ADAMTSL1: variants seen among roughly 807,000 people sequenced by gnomAD.
ADAMTSL1 encodes ADAMTS-like protein 1.
In ADAMTSL1, 126 loss-of-function variants were observed where a neutral mutation model predicts 201.8. The ratio of observed to expected loss-of-function variants is 0.62; its 90% CI spans 0.54 to 0.72. The LOEUF (loss-of-function observed/expected upper bound fraction) is 0.72. Ranked by LOEUF, ADAMTSL1 falls within the 30% of genes least tolerant of loss-of-function variation. The pLI is 0.00. For missense variants in ADAMTSL1, 2,679 were observed against 2,277.8 expected (o/e 1.18, Z -3.59); for synonymous variants, 1,121 against 903.4 (o/e 1.24, Z -4.32).
chr9:18,820,957 C>T (rs956048348), intron 21 of ADAMTSL1, among the ~76,000 whole-genome samples: 1 of 152,254 alleles, frequency 6.6e-6, no homozygotes, highest in East Asian at 1.9e-4. Flanking sequence ...TAAAACCTGG[C>T]TGGTGGTGTG....
At chr9:18,558,621 C>G (rs577267458) in intron 3 of ADAMTSL1, among the ~76,000 whole-genome samples, 1 of 152,296 alleles carries the variant, frequency 6.6e-6, no homozygotes, top group African/African-American at 2.4e-5. Flanking sequence ...CTTACACTTC[C>G]ATCAACAGTG....
At chr9:18,845,397 A>T (rs1297041130) in intron 23 of ADAMTSL1, among the ~76,000 whole-genome samples, 1 of 152,250 alleles carries the variant, frequency 6.6e-6, no homozygotes, top group Non-Finnish European at 1.5e-5. Context: ...GAAAGAATTC[A>T]TTGTGCCTGG....
intron 2 of ADAMTSL1, among the ~76,000 whole-genome samples, chr9:18,329,626 T>C (rs1473034144): frequency 2.0e-5 from 3 of 152,208 alleles, no homozygotes; most frequent in Non-Finnish European, 4.4e-5. Flanking sequence ...AAATAGGCAG[T>C]GGCTTATCTT....
rs539075831 is a variant in ADAMTSL1 at position 18,649,754 on chromosome 9, G to T, written c.835-7885G>T. On this transcript the variant is annotated intron_variant, in intron 7 of 28. Transcript: ENST00000380548. ...GTCTGATCGTTCCTCTGGAAGTTTTGTCTCAGAGGAGTACCCCGCCGTGTG... is the reference window on the plus strand; with the variant it reads ...GTCTGATCGTTCCTCTGGAAGTTTTTTCTCAGAGGAGTACCCCGCCGTGTG... Among the ~76,000 whole-genome samples, 772 of 152,152 alleles carry T rather than the reference G, an allele frequency of 5.1e-3. 7 individuals are homozygous for T. The highest frequency in any genetic ancestry group is 0.018 in the African/African-American group (731 of 41,502).
At chr9:18,091,893 G>A (rs762023706) in intron 1 of ADAMTSL1, among the ~76,000 whole-genome samples, 2 of 152,008 alleles carry the variant, frequency 1.3e-5, no homozygotes, top group Non-Finnish European at 2.9e-5. Flanking sequence ...ATTAGTGAAC[G>A]CTAGAGAGGC....
At chr9:18,643,144 T>C (rs1324909428) in intron 7 of ADAMTSL1, among the ~76,000 whole-genome samples, 1 of 151,922 alleles carries the variant, frequency 6.6e-6, no homozygotes, top group African/African-American at 2.4e-5. Context: ...GGTGATATTA[T>C]AGTACTGAAT....
At chr9:18,843,440 C>T (rs1442147139) in intron 23 of ADAMTSL1, among the ~76,000 whole-genome samples, 2 of 150,836 alleles carry the variant, frequency 1.3e-5, no homozygotes, top group East Asian at 1.9e-4. Context: ...GTGGGTAACC[C>T]GACCTTTCTC....
chr9:18,027,213 T>G (rs1256929721), intron 1 of ADAMTSL1, among the ~76,000 whole-genome samples: 3 of 151,874 alleles, frequency 2.0e-5, no homozygotes, highest in Admixed American at 6.6e-5. Context: ...TGTATTTCAT[T>G]CAGTGCTGCT....
intron 23 of ADAMTSL1, among the ~76,000 whole-genome samples, chr9:18,858,708 T>A (rs946243470): frequency 6.6e-6 from 1 of 152,146 alleles, no homozygotes; most frequent in Non-Finnish European, 1.5e-5. Flanking sequence ...CTTGCTTACG[T>A]CAAATCTTAC....
At chr9:18,179,114 C>A (rs12236835) in intron 2 of ADAMTSL1, among the ~76,000 whole-genome samples, 21,931 of 150,154 alleles carry the variant, frequency 0.15, 1,812 homozygotes, top group East Asian at 0.24. Context: ...AAGGCAAAGA[C>A]GTTGAAAACT....
rs1824417144 is a variant in ADAMTSL1 at position 18,099,412 on chromosome 9, T to C, written c.88-64450T>C. Reference sequence around the variant, plus strand: ...TTACTAGGCTATGCTTTGGTTTTGGTTGCTCTGGAGGTTCATATTCTCAGA... The same window carrying C: ...TTACTAGGCTATGCTTTGGTTTTGGCTGCTCTGGAGGTTCATATTCTCAGA... On this transcript the variant is annotated intron_variant, in intron 1 of 29. Transcript: ENST00000680146. Among the ~76,000 whole-genome samples the C allele has an allele frequency of 2.8e-5, 4 of 143,340 alleles. No homozygotes were observed. In the South Asian group the frequency reaches 8.8e-4, roughly 31 times the overall value. The allele number at this position is 143,340 out of a possible 152,430, so 94.0% of individuals were successfully genotyped here.
At chr9:18,591,057 A>G (rs897926904) in intron 4 of ADAMTSL1, among the ~76,000 whole-genome samples, 2 of 152,186 alleles carry the variant, frequency 1.3e-5, no homozygotes, top group South Asian at 4.1e-4. Context: ...GGTCTAGAAT[A>G]TAGTTTAACC....
intron 16 of ADAMTSL1, among the ~76,000 whole-genome samples, chr9:18,759,666 T>C (rs1464858571): frequency 6.6e-6 from 1 of 152,132 alleles, no homozygotes; most frequent in African/African-American, 2.4e-5. Context: ...CAGCTTCACA[T>C]GTGGTTGTTT....
intron 2 of ADAMTSL1, among the ~76,000 whole-genome samples, chr9:18,298,125 TAA>T (rs1833547294): frequency 6.6e-6 from 1 of 151,970 alleles, no homozygotes; most frequent in African/African-American, 2.4e-5. Context: ...CCCGGAAAAG[TAA>T]AGAGACAGAA....
At chr9:18,127,473 A>G (rs1283541274) in intron 1 of ADAMTSL1, among the ~76,000 whole-genome samples, 3 of 127,290 alleles carry the variant, frequency 2.4e-5, no homozygotes, top group Non-Finnish European at 3.3e-5. Context: ...ATGCATAGGC[A>G]CATACACAAC....
chr9:18,489,224 T>C (rs952765942), intron 1 of ADAMTSL1, among the ~76,000 whole-genome samples: 1 of 152,216 alleles, frequency 6.6e-6, no homozygotes, highest in African/African-American at 2.4e-5. Context: ...GATATATCTC[T>C]TATATTTGAA....
intron 2 of ADAMTSL1, among the ~76,000 whole-genome samples, chr9:18,455,734 A>G (rs541648893): frequency 1.3e-5 from 2 of 152,234 alleles, no homozygotes; most frequent in South Asian, 2.1e-4. Flanking sequence ...CCAATCTAAT[A>G]AAAGTTGCCA....
intron 2 of ADAMTSL1, among the ~76,000 whole-genome samples, chr9:18,267,172 A>G (rs1444690990): frequency 6.6e-6 from 1 of 152,170 alleles, no homozygotes; most frequent in Non-Finnish European, 1.5e-5. Context: ...AACTGGAGCT[A>G]TTTTGAATCA....
chr9:18,768,743 C>T (rs1563782448), intron 16 of ADAMTSL1, among the ~76,000 whole-genome samples: 1 of 152,252 alleles, frequency 6.6e-6, no homozygotes, highest in Non-Finnish European at 1.5e-5. Context: ...TCTGTGACCT[C>T]AAGCCATTCA....
Sources: allele counts gnomAD v4.1 joint callset (sites outside exome capture counted in the v4.1 genomes callset), GRCh38; gene constraint gnomAD v4.1.1; transcripts MANE v1.5; gene names NCBI Gene and HGNC (gene_info 2026-07-23, HGNC 2026-07-21).